PALM2AKAP2: variants seen among roughly 807,000 people sequenced by gnomAD.
PALM2AKAP2 encodes the protein PALM2-AKAP2 fusion protein.
Under a neutral mutation model 71.5 loss-of-function variants are expected in PALM2AKAP2, and 37 were observed. The observed-to-expected ratio is 0.52, with a 90% confidence interval of 0.40 to 0.68. The LOEUF (loss-of-function observed/expected upper bound fraction) is 0.68, where lower values mean the gene tolerates loss of function less well. Among genes scored for constraint, PALM2AKAP2 ranks in the 30% least tolerant of loss-of-function variants. The probability of loss-of-function intolerance (pLI) is 0.00; values close to 1 mark genes in which losing one functional copy is unlikely to be tolerated. For missense variants in PALM2AKAP2, 1,224 were observed against 1,191.8 expected (o/e 1.03, Z -0.40); for synonymous variants, 468 against 478.8 (o/e 0.98, Z 0.29).
intron 1 of PALM2AKAP2, among the ~76,000 whole-genome samples, chr9:109,754,862 A>G (rs1056145838): frequency 6.6e-6 from 1 of 152,112 alleles, no homozygotes; most frequent in African/African-American, 2.4e-5. Context: ...GTTTCCACAT[A>G]CGAATGTTGG....
At chr9:110,128,004 G>A (rs1835652792) in intron 1 of PALM2AKAP2, 1 of 152,184 alleles carries the variant, frequency 6.6e-6, no homozygotes, top group Non-Finnish European at 1.5e-5. Flanking sequence ...ATATGCTTAT[G>A]GATCCAAGGT....
At chr9:110,158,443 G>T (rs1475416509) in intron 3 of PALM2AKAP2, among the ~76,000 whole-genome samples, 1 of 152,166 alleles carries the variant, frequency 6.6e-6, no homozygotes, top group East Asian at 1.9e-4. Flanking sequence ...TATGTCTTTT[G>T]TGTTGGAGTG....
intron 1 of PALM2AKAP2, among the ~76,000 whole-genome samples, chr9:110,116,242 T>G (rs1260317530): frequency 6.6e-6 from 1 of 152,204 alleles, no homozygotes; most frequent in Non-Finnish European, 1.5e-5. Context: ...ATAAGAGATA[T>G]GGTGCTTTTT....
intron 1 of PALM2AKAP2, among the ~76,000 whole-genome samples, chr9:109,666,944 GT>G (rs1234374064): frequency 6.6e-6 from 1 of 152,184 alleles, no homozygotes; most frequent in African/African-American, 2.4e-5. Flanking sequence ...GAAAATAAAT[GT>G]TTAGAAAGGA....
intron 1 of PALM2AKAP2, among the ~76,000 whole-genome samples, chr9:109,856,180 G>C (rs1048304611): frequency 6.6e-6 from 1 of 151,958 alleles, no homozygotes; most frequent in Non-Finnish European, 1.5e-5. Context: ...TAGCAGTTCT[G>C]CTGGTAGAAA....
intron 7 of PALM2AKAP2, among the ~76,000 whole-genome samples, chr9:110,020,800 A>G (rs1182800950): frequency 6.6e-6 from 1 of 152,124 alleles, no homozygotes; most frequent in Non-Finnish European, 1.5e-5. Flanking sequence ...TTGGAAAAAA[A>G]GTCTTTGCAG....
At chr9:110,063,788 C>A (rs761960817) in intron 1 of PALM2AKAP2, among the ~76,000 whole-genome samples, 2 of 152,174 alleles carry the variant, frequency 1.3e-5, no homozygotes, top group Non-Finnish European at 2.9e-5. Flanking sequence ...TAGACTCATC[C>A]ACTCTAAAGA....
intron 3 of PALM2AKAP2, among the ~76,000 whole-genome samples, chr9:109,886,372 C>A (rs957412005): frequency 6.6e-6 from 1 of 152,300 alleles, no homozygotes. Flanking sequence ...TGTTGTTTAC[C>A]TTGTCACTTT....
chr9:110,135,164 A>AAAAAAAATATATATAT, intron 1 of PALM2AKAP2, among the ~76,000 whole-genome samples: 1 of 51,740 alleles, frequency 1.9e-5, no homozygotes, highest in African/African-American at 7.4e-5. Flanking sequence ...AAAAAAAAAA[A>AAAAAAAATATATATAT]ATATATAAAT....
intron 1 of PALM2AKAP2, among the ~76,000 whole-genome samples, chr9:110,093,754 T>A (rs1422836180): frequency 6.6e-6 from 1 of 152,174 alleles, no homozygotes; most frequent in Non-Finnish European, 1.5e-5. Context: ...CTACCCTGTT[T>A]CCTTCACTAT....
chr9:109,780,644 C>T (rs1378395104), intron 1 of PALM2AKAP2, 111 bp downstream of exon 1: 16 of 1,477,256 alleles, frequency 1.1e-5, no homozygotes, highest in Non-Finnish European at 1.5e-5. Flanking sequence ...GTCATATGTT[C>T]CAGGGGCTAA....
At chr9:109,920,504 A>T (rs139349761) in intron 3 of PALM2AKAP2, among the ~76,000 whole-genome samples, 98 of 151,148 alleles carry the variant, frequency 6.5e-4, no homozygotes, top group African/African-American at 2.2e-3. Flanking sequence ...CTCAGCCTCT[A>T]GAGTAGTTGG....
At chr9:109,931,039 TG>T (rs1177466431) in intron 5 of PALM2AKAP2, among the ~76,000 whole-genome samples, 1 of 152,252 alleles carries the variant, frequency 6.6e-6, no homozygotes, top group Non-Finnish European at 1.5e-5. Context: ...GATATGGTCG[TG>T]ATGCAAGGAA....
intron 3 of PALM2AKAP2, among the ~76,000 whole-genome samples, chr9:109,886,335 T>A (rs1375637187): frequency 6.6e-6 from 1 of 152,212 alleles, no homozygotes; most frequent in Non-Finnish European, 1.5e-5. Flanking sequence ...CCCTGTTTAC[T>A]TCATGTCTGC....
intron 1 of PALM2AKAP2, among the ~76,000 whole-genome samples, chr9:109,740,904 G>A (rs899322652): frequency 1.3e-5 from 2 of 152,162 alleles, no homozygotes; most frequent in Non-Finnish European, 2.9e-5. Context: ...TGCCCACCTC[G>A]GCCTCCCAAA....
intron 1 of PALM2AKAP2, among the ~76,000 whole-genome samples, chr9:110,050,841 T>G (rs1833696426): frequency 6.6e-6 from 1 of 152,078 alleles, no homozygotes; most frequent in Admixed American, 6.5e-5. Flanking sequence ...TTGGCCAGGC[T>G]GGTCTTGAAC....
chr9:109,649,039 A>G (rs1587853497), intron 1 of PALM2AKAP2, among the ~76,000 whole-genome samples: 2 of 150,142 alleles, frequency 1.3e-5, no homozygotes, highest in South Asian at 4.2e-4. Flanking sequence ...GCCTACTCCC[A>G]TCCCTCCCAC....
At chr9:109,903,277 T>A (rs1236036805) in intron 3 of PALM2AKAP2, among the ~76,000 whole-genome samples, 1 of 151,650 alleles carries the variant, frequency 6.6e-6, no homozygotes, top group Non-Finnish European at 1.5e-5. Flanking sequence ...AGACTGGCCT[T>A]TGGTGGCAGG....
chr9:110,084,695 G>A (rs1231103110), intron 1 of PALM2AKAP2, among the ~76,000 whole-genome samples: 1 of 152,020 alleles, frequency 6.6e-6, no homozygotes, highest in Non-Finnish European at 1.5e-5. Context: ...AAAGTCTGTG[G>A]GTGTTCACTA....
Sources: allele counts gnomAD v4.1 joint callset (sites outside exome capture counted in the v4.1 genomes callset), GRCh38; gene constraint gnomAD v4.1.1; transcripts MANE v1.5; gene names NCBI Gene and HGNC (gene_info 2026-07-23, HGNC 2026-07-21).